The following BBX variants were observed in gnomAD, a reference collection of about 807,000 sequenced individuals.
BBX encodes HMG box transcription factor BBX.
A neutral mutation model predicts 100.2 loss-of-function variants in BBX; 30 were observed. The observed-to-expected ratio is 0.30, with a 90% CI of 0.22 to 0.41. The LOEUF (loss-of-function observed/expected upper bound fraction) is 0.41. Among genes scored for constraint, BBX ranks in the 10% least tolerant of loss-of-function variants. The probability of loss-of-function intolerance (pLI) is 1.00; values close to 1 mark genes in which losing one functional copy is unlikely to be tolerated. For missense variants in BBX, 1,023 were observed against 1,129.8 expected, an observed-to-expected ratio of 0.91 and a Z score of 1.35; for synonymous variants, 376 against 388.1, an observed-to-expected ratio of 0.97 and a Z score of 0.37.
At chr3:107,564,187 TTA>T (rs1447944706) in intron 2 of BBX, among the ~76,000 whole-genome samples, 1 of 152,200 alleles carries the variant, frequency 6.6e-6, no homozygotes, top group Non-Finnish European at 1.5e-5. Flanking sequence ...AATGACCTGC[TTA>T]TATGTCTTGC....
intron 2 of BBX, among the ~76,000 whole-genome samples, chr3:107,551,821 CTCA>C (rs1363448372): frequency 6.6e-6 from 1 of 152,206 alleles, no homozygotes; most frequent in Non-Finnish European, 1.5e-5. Flanking sequence ...GGAAGAGCTG[CTCA>C]TAAACATTGA....
intron 3 of BBX, among the ~76,000 whole-genome samples, chr3:107,706,092 G>A (rs567376273): frequency 9.6e-5 from 14 of 145,344 alleles, no homozygotes; most frequent in African/African-American, 2.8e-4. Flanking sequence ...GCATAATCTC[G>A]GCTCACTACA....
chr3:107,735,612 G>A (rs1202425889), intron 7 of BBX, among the ~76,000 whole-genome samples: 1 of 151,896 alleles, frequency 6.6e-6, no homozygotes, highest in East Asian at 1.9e-4. Context: ...TTTTAACATA[G>A]GGAATAGATT....
intron 17 of BBX, among the ~76,000 whole-genome samples, chr3:107,802,863 T>G (rs139706222): frequency 1.5e-4 from 23 of 152,336 alleles, no homozygotes; most frequent in Non-Finnish European, 2.1e-4. Flanking sequence ...TCTGATCAGG[T>G]GAACTGCTCT....
In BBX at chr3:107,773,622, C is replaced by G; in HGVS notation, c.1901C>G (p.Ala634Gly). Residue 634 changes from alanine to glycine, a missense_variant, in exon 11 of 18, where the codon GCT becomes GGT. Around this residue, in one of 9 missense-constraint regions of BBX, gnomAD observed 215 missense variants for 211.3 expected, o/e 1.02. Coordinates refer to ENST00000325805, the MANE Select transcript of BBX (RefSeq NM_001142568.3). The surrounding 1 kb of genome is among the most constrained non-coding windows in gnomAD (Gnocchi z 4.1). The stretch of plus-strand genomic sequence containing the variant: ...GAGGGCATGCTCACCTCTCTGCGAG[C>G]TAATGTTGACAGAGGTAAGTAACTT... ...VSEGMLTSLR[A>G]NVDRGKRSSG... 6.2e-7 allele frequency: 1 copy of G among 1,608,966 alleles called. No individual in the cohort carries two copies. Among genetic ancestry groups the G allele is most frequent in the Non-Finnish European group, 8.5e-7 (1 of 1,178,102 alleles).
intron 3 of BBX, among the ~76,000 whole-genome samples, chr3:107,672,455 G>A (rs1188990127): frequency 1.3e-5 from 2 of 151,956 alleles, no homozygotes; most frequent in African/African-American, 4.8e-5. Flanking sequence ...ACCTATGTTG[G>A]AAACATTTTG....
intron 2 of BBX, among the ~76,000 whole-genome samples, chr3:107,576,048 T>A (rs1393691022): frequency 1.3e-5 from 2 of 152,070 alleles, no homozygotes; most frequent in Non-Finnish European, 2.9e-5. Context: ...AGTAAAGTGA[T>A]GAGAAAAAGA....
At chr3:107,715,764 A>C (rs975046106) in intron 4 of BBX, among the ~76,000 whole-genome samples, 1 of 152,254 alleles carries the variant, frequency 6.6e-6, no homozygotes, top group African/African-American at 2.4e-5. Flanking sequence ...GGCAGTGGGA[A>C]TGAGAATCAC....
intron 2 of BBX, among the ~76,000 whole-genome samples, chr3:107,604,093 C>G (rs1221684081): frequency 1.3e-5 from 2 of 152,088 alleles, no homozygotes; most frequent in Non-Finnish European, 2.9e-5. Context: ...TAATTCCTCC[C>G]ATTGCCCGGG....
chr3:107,538,219 TC>T (rs2048631673), intron 2 of BBX, among the ~76,000 whole-genome samples: 1 of 152,248 alleles, frequency 6.6e-6, no homozygotes, highest in Admixed American at 6.5e-5. Flanking sequence ...TTAATAATTT[TC>T]TACAGATAAT....
rs1467709944 is a variant in BBX, at chr3:107,798,709, G to C, written c.2540G>C (p.Gly847Ala). The change falls in exon 16 of 18, where the codon GGA becomes GCA. Residue 847 changes from glycine (G) to alanine (A), a missense_variant. By Grantham distance (60) the Gly-to-Ala change is moderately conservative. Coordinates refer to ENST00000325805, the MANE Select transcript of BBX (RefSeq NM_001142568.3). The stretch of plus-strand genomic sequence containing the variant: ...GCAGATGGCCGGGTATCACCAGCAG[G>C]AGGTACTTTGGGTAAGAAGAGAGAG... ...RTADGRVSPA[G>A]GTLDDKPKEQ... 9.9e-6 allele frequency: 16 copies of C among 1,613,980 alleles called. No homozygotes were observed. Among genetic ancestry groups the C allele is most frequent in the Admixed American group, 1.7e-5 (1 of 60,016 alleles).
At chr3:107,612,416 A>G (rs1476178610) in intron 2 of BBX, among the ~76,000 whole-genome samples, 1 of 152,032 alleles carries the variant, frequency 6.6e-6, no homozygotes, top group African/African-American at 2.4e-5. Context: ...GGGTGTTGTG[A>G]TCCATTTTTT....
chr3:107,666,475 C>G (rs2058748538), intron 3 of BBX, among the ~76,000 whole-genome samples: 1 of 152,048 alleles, frequency 6.6e-6, no homozygotes, highest in Non-Finnish European at 1.5e-5. Context: ...AGGGGGGAAA[C>G]TTCTTTAGTG....
chr3:107,779,999 CCA>C (rs1317171231), intron 13 of BBX, among the ~76,000 whole-genome samples: 1 of 152,022 alleles, frequency 6.6e-6, no homozygotes, highest in Non-Finnish European at 1.5e-5. Context: ...TGTTGCATCG[CCA>C]AGTTTGCTCG....
At chr3:107,578,687 G>C (rs770536509) in intron 2 of BBX, among the ~76,000 whole-genome samples, 6 of 152,046 alleles carry the variant, frequency 3.9e-5, no homozygotes, top group Non-Finnish European at 7.4e-5. Flanking sequence ...GACTCCATCT[G>C]CAGGAAGGAG....
chr3:107,547,297 A>AAT (rs1234423522), intron 2 of BBX, among the ~76,000 whole-genome samples: 3 of 152,196 alleles, frequency 2.0e-5, no homozygotes, highest in Admixed American at 6.5e-5. Flanking sequence ...TTAATAAGCT[A>AAT]ATGGTATTGG....
At chr3:107,749,757 CT>C (rs1321199222) in intron 9 of BBX, among the ~76,000 whole-genome samples, 1 of 152,034 alleles carries the variant, frequency 6.6e-6, no homozygotes, top group African/African-American at 2.4e-5. Context: ...CCTCAGCCTC[CT>C]GAGTAGCTGG....
chr3:107,608,289 G>A (rs2054593937), intron 2 of BBX, among the ~76,000 whole-genome samples: 1 of 152,086 alleles, frequency 6.6e-6, no homozygotes, highest in Non-Finnish European at 1.5e-5. Flanking sequence ...TTCTGCATAT[G>A]GATATCGGTT....
intron 3 of BBX, among the ~76,000 whole-genome samples, chr3:107,676,556 A>G (rs2059291683): frequency 6.6e-6 from 1 of 152,184 alleles, no homozygotes; most frequent in Non-Finnish European, 1.5e-5. Context: ...TGATATAATG[A>G]TGCTAATCTT....
Sources: gnomAD v4.1 joint callset for allele counts (sites outside exome capture counted in the v4.1 genomes callset) on GRCh38, gnomAD v4.1.1 for gene constraint, gnomAD v4.1.1 regional missense constraint, Gnocchi (gnomAD v3.1) non-coding constraint, MANE v1.5 for transcripts, NCBI Gene and HGNC (gene_info 2026-07-23, HGNC 2026-07-21) for gene names.